Variants in SYT14 observed in about 807,000 individuals in gnomAD.
SYT14 encodes synaptotagmin-14.
SYT14 carries 32 observed loss-of-function variants against 74.2 expected under a neutral mutation model. That is an observed-to-expected ratio of 0.43 (90% CI 0.33 to 0.58). SYT14 has a LOEUF of 0.58. Among genes scored for constraint, SYT14 ranks in the 20% least tolerant of loss-of-function variants. The pLI is 0.05. For missense variants in SYT14, 791 were observed against 981.8 expected (o/e 0.81, Z 2.60); for synonymous variants, 298 against 337.7 (o/e 0.88, Z 1.29).
intron 7 of SYT14, among the ~76,000 whole-genome samples, chr1:210,112,011 C>T (rs1051049580): frequency 1.3e-5 from 2 of 151,174 alleles, no homozygotes; most frequent in African/African-American, 4.9e-5. Context: ...GCCTGAGAAA[C>T]TGCTTGGGAG....
intron 2 of SYT14, among the ~76,000 whole-genome samples, chr1:209,980,734 G>A (rs1038906325): frequency 1.3e-5 from 2 of 152,064 alleles, no homozygotes; most frequent in African/African-American, 4.8e-5. Flanking sequence ...TTTTTATCAG[G>A]TTTGTTGAAG....
Position 210,160,877 on chromosome 1 carries a change from C to G in SYT14, c.2430C>G (p.Leu810=), listed in dbSNP as rs1281857665. Residue 810 remains leucine, a synonymous_variant, in exon 10 of 10, where the codon CTC becomes CTG. Coordinates refer to ENST00000637265, the Ensembl canonical transcript of SYT14. ...TATTTCAGCTTTCTGATGTGACACT[C>G]ATACTGTCTGTGTATAACAAACGCA... is the stretch of plus-strand genomic sequence containing the variant. The G allele has an allele frequency of 2.5e-6, 4 of 1,613,866 alleles. No homozygotes were observed. In the African/African-American group the frequency reaches 4.0e-5, roughly 16 times the overall value.
intron 7 of SYT14, among the ~76,000 whole-genome samples, chr1:210,115,152 A>G (rs1246115801): frequency 1.3e-5 from 2 of 151,358 alleles, no homozygotes; most frequent in African/African-American, 4.9e-5. Flanking sequence ...ATTTGGAACC[A>G]TTGTCGAGTT....
chr1:210,107,259 A>G (rs916584243), intron 7 of SYT14, among the ~76,000 whole-genome samples: 1 of 152,224 alleles, frequency 6.6e-6, no homozygotes, highest in Non-Finnish European at 1.5e-5. Flanking sequence ...CTGTCTTCCA[A>G]CAACAGCCCT....
chr1:210,012,987 C>T (rs1476258325), intron 2 of SYT14, among the ~76,000 whole-genome samples: 3 of 152,086 alleles, frequency 2.0e-5, no homozygotes, highest in Non-Finnish European at 4.4e-5. Flanking sequence ...CAGGCATGAG[C>T]CACCACGCCT....
chr1:210,102,167 G>A (rs112219082), intron 7 of SYT14, among the ~76,000 whole-genome samples: 55 of 152,156 alleles, frequency 3.6e-4, no homozygotes, highest in African/African-American at 1.3e-3. Flanking sequence ...CTTGTGTCAT[G>A]GGGGTTTGTT....
chr1:210,086,269 G>T (rs116791016), intron 5 of SYT14, among the ~76,000 whole-genome samples: 2 of 152,094 alleles, frequency 1.3e-5, no homozygotes, highest in Non-Finnish European at 2.9e-5. Flanking sequence ...CCACTGTAAA[G>T]GTACCCTTCG....
chr1:209,941,268 T>TA (rs1303644397), intron 1 of SYT14, among the ~76,000 whole-genome samples: 2 of 152,348 alleles, frequency 1.3e-5, no homozygotes, highest in East Asian at 3.9e-4. Flanking sequence ...TATAAGATGA[T>TA]AGAGTTACCA....
At chr1:210,046,743 T>C (rs2080892721) in intron 5 of SYT14, among the ~76,000 whole-genome samples, 1 of 152,210 alleles carries the variant, frequency 6.6e-6, no homozygotes, top group South Asian at 2.1e-4. Context: ...ATACCACATA[T>C]TGTCTATCCA....
At chr1:210,115,246 T>C (rs2082335812) in intron 7 of SYT14, among the ~76,000 whole-genome samples, 2 of 151,252 alleles carry the variant, frequency 1.3e-5, no homozygotes, top group Admixed American at 1.3e-4. Flanking sequence ...TTTTAAGTTC[T>C]TGAGAACACA....
intron 2 of SYT14, among the ~76,000 whole-genome samples, chr1:209,966,584 A>G (rs2079161613): frequency 6.6e-6 from 1 of 152,142 alleles, no homozygotes; most frequent in African/African-American, 2.4e-5. Context: ...TAAGCATTTC[A>G]TATTTTTTAA....
intron 5 of SYT14, among the ~76,000 whole-genome samples, chr1:210,073,473 G>A (rs1161630816): frequency 6.6e-6 from 1 of 151,930 alleles, no homozygotes; most frequent in East Asian, 1.9e-4. Context: ...TCCTCAGAAT[G>A]CCTGAAGTCT....
chr1:209,966,822 T>C (rs1256593617), intron 2 of SYT14, among the ~76,000 whole-genome samples: 2 of 152,212 alleles, frequency 1.3e-5, no homozygotes, highest in African/African-American at 4.8e-5. Flanking sequence ...TCTTTCTTTT[T>C]CCTGCCTTAT....
intron 5 of SYT14, among the ~76,000 whole-genome samples, chr1:210,027,556 CCA>C (rs1486030573): frequency 2.2e-4 from 34 of 152,242 alleles, no homozygotes; most frequent in Admixed American, 7.9e-4. Flanking sequence ...GCTGTCTCAT[CCA>C]TCCCAGAGAT....
chr1:209,943,508 C>CAAAAAAAAAAA (rs58806792), intron 1 of SYT14, among the ~76,000 whole-genome samples: 1 of 59,308 alleles, frequency 1.7e-5, no homozygotes, highest in African/African-American at 6.7e-5. Context: ...GATTCAATCT[C>CAAAAAAAAAAA]AAAAAAAAAA....
chr1:210,169,949 T>C (rs2083505613), exon 10 of SYT14: 1 of 152,098 alleles, frequency 6.6e-6, no homozygotes, highest in African/African-American at 2.4e-5. Context: ...CTTTCTTTCC[T>C]TTCTTCCTTC....
Position 209,938,364 on chromosome 1 carries a change from G to A in SYT14, c.-534+87G>A, listed in dbSNP as rs1032036504. 4.3e-6 allele frequency: 6 copies of A among 1,397,588 alleles called. No individual in the cohort carries two copies. In the African/African-American group the frequency reaches 9.0e-5, roughly 21 times the overall value. The allele number at this position is 1,397,588 out of a possible 1,614,324, so 86.6% of individuals were successfully genotyped here. A position where few individuals can be genotyped will look rare whatever the true frequency, so the allele number is the denominator to read the frequency against. On this transcript the variant is annotated intron_variant, in intron 1 of 9. Coordinates refer to ENST00000637265, the Ensembl canonical transcript of SYT14. ...AGGTGCGCCGGCAGGCCGAGGCGCT[G>A]ACGGGGCCGCCTCCTGTGGTCTGGA...
At chr1:210,093,372 A>G (rs972007768) in intron 5 of SYT14, among the ~76,000 whole-genome samples, 1 of 152,140 alleles carries the variant, frequency 6.6e-6, no homozygotes, top group Non-Finnish European at 1.5e-5. Context: ...AGAAAAAAAA[A>G]GATCAGTGTT....
chr1:210,003,649 A>G (rs1306609603), intron 2 of SYT14, among the ~76,000 whole-genome samples: 9 of 152,136 alleles, frequency 5.9e-5, no homozygotes, highest in Non-Finnish European at 1.3e-4. Context: ...AAGTGAGGGT[A>G]AGACAGTAGA....
Sources: gnomAD v4.1 joint callset for allele counts (sites outside exome capture counted in the v4.1 genomes callset) on GRCh38, gnomAD v4.1.1 for gene constraint, MANE v1.5 for transcripts, NCBI Gene and HGNC (gene_info 2026-07-23, HGNC 2026-07-21) for gene names.